ADGRV1: variants seen among roughly 807,000 people sequenced by gnomAD.
ADGRV1 encodes the protein G-protein coupled receptor 98.
A neutral mutation model predicts 596.2 loss-of-function variants in ADGRV1; 359 were observed. The observed-to-expected ratio is 0.60, with a 90% CI of 0.55 to 0.66. The LOEUF (loss-of-function observed/expected upper bound fraction) is 0.66, where lower values mean the gene tolerates loss of function less well. Ranked by LOEUF, ADGRV1 falls within the 30% of genes least tolerant of loss-of-function variation. The probability of loss-of-function intolerance (pLI) is 0.00; values close to 1 mark genes in which losing one functional copy is unlikely to be tolerated. For missense variants in ADGRV1, 7,274 were observed against 7,575.6 expected (o/e 0.96, Z 1.48); for synonymous variants, 2,681 against 2,679.2 (o/e 1.00, Z -0.02).
chr5:90,783,799 A>G (rs753348198), intron 66 of ADGRV1, 39 bp from the exon 67 acceptor site: 31 of 1,440,160 alleles, frequency 2.2e-5, no homozygotes, highest in African/African-American at 4.2e-5. Context: ...GCACTTTAAT[A>G]TGTTTAGACT....
chr5:91,030,567 C>A (rs866871391), intron 85 of ADGRV1, among the ~76,000 whole-genome samples: 24 of 151,048 alleles, frequency 1.6e-4, no homozygotes, highest in African/African-American at 5.1e-4. Flanking sequence ...TTTGAGAGTT[C>A]TTTTTATGTT....
intron 85 of ADGRV1, among the ~76,000 whole-genome samples, chr5:91,011,501 C>T (rs1454193229): frequency 6.6e-6 from 1 of 151,916 alleles, no homozygotes; most frequent in African/African-American, 2.4e-5. Flanking sequence ...GGGAATTTCA[C>T]TCCACATTTT....
chr5:90,927,448 T>G (rs376051996), intron 83 of ADGRV1, among the ~76,000 whole-genome samples: 26 of 152,186 alleles, frequency 1.7e-4, no homozygotes, highest in East Asian at 3.9e-4. Flanking sequence ...CAGAGACTAG[T>G]ATTGCAACCC....
At chr5:90,734,854 G>A (rs1376044200) in intron 50 of ADGRV1, among the ~76,000 whole-genome samples, 1 of 152,106 alleles carries the variant, frequency 6.6e-6, no homozygotes, top group Non-Finnish European at 1.5e-5. Flanking sequence ...CCCTGGGCCC[G>A]GCCTAGCCTA....
intron 1 of ADGRV1, among the ~76,000 whole-genome samples, chr5:90,576,617 G>A (rs191499964): frequency 1.3e-3 from 201 of 152,238 alleles, no homozygotes; most frequent in African/African-American, 4.7e-3. Context: ...ATAATCCTTT[G>A]GGTATATACC....
chr5:90,991,636 A>ACC (rs1780976771), intron 85 of ADGRV1, among the ~76,000 whole-genome samples: 1 of 152,168 alleles, frequency 6.6e-6, no homozygotes, highest in South Asian at 2.1e-4. Context: ...CTTTAGATAC[A>ACC]CTAAACAAAT....
chr5:90,680,924 T>TAA (rs1171603975), intron 26 of ADGRV1, among the ~76,000 whole-genome samples: 2 of 152,218 alleles, frequency 1.3e-5, no homozygotes, highest in East Asian at 3.9e-4. Context: ...TCCGCCAGAA[T>TAA]GGGAAACTAC....
intron 88 of ADGRV1, among the ~76,000 whole-genome samples, chr5:91,151,398 T>G (rs1186831871): frequency 6.6e-6 from 1 of 152,178 alleles, no homozygotes; most frequent in East Asian, 1.9e-4. Context: ...TGAAGGATTT[T>G]GATCAAAGGG....
intron 44 of ADGRV1, 89 bp downstream of exon 44, chr5:90,720,312 A>C: frequency 1.3e-6 from 1 of 780,830 alleles, no homozygotes; most frequent in Non-Finnish European, 1.9e-6. Context: ...GGAAATTGAT[A>C]TCTGATTATT....
chr5:91,133,827 C>T (rs1450892555), intron 87 of ADGRV1, among the ~76,000 whole-genome samples: 1 of 151,952 alleles, frequency 6.6e-6, no homozygotes, highest in Admixed American at 6.6e-5. Context: ...CAGAAGTTGC[C>T]CCATCACACA....
intron 83 of ADGRV1, among the ~76,000 whole-genome samples, chr5:90,927,209 G>T (rs1338777504): frequency 6.6e-6 from 1 of 150,818 alleles, no homozygotes; most frequent in African/African-American, 2.5e-5. Context: ...CTGTCTCGTT[G>T]ATCTGTTTAA....
chr5:90,815,642 A>G lies in ADGRV1; in HGVS notation c.16102A>G (p.Ile5368Val), dbSNP rs1217117090. Residue 5368 changes from isoleucine to valine, a missense_variant, in exon 75 of 90, where the codon ATA (isoleucine) becomes GTA (valine). This residue lies in a region of ADGRV1 where 1,874 missense variants were observed against 1,970.2 expected (regional missense o/e 0.95). Transcript: ENST00000405460. ...ITGSDLHNGI[I>V]GFSEESQSGL... ...AGGGAGTGACCTTCACAATGGCATCATAGGATTCAGTGAGGAGTCCCAGAG... is the reference window on the plus strand; with the variant it reads ...AGGGAGTGACCTTCACAATGGCATCGTAGGATTCAGTGAGGAGTCCCAGAG... The G allele has an allele frequency of 6.4e-7, 1 of 1,571,966 alleles. No homozygotes were observed. Among genetic ancestry groups the G allele is most frequent in the Non-Finnish European group, 8.6e-7 (1 of 1,156,142 alleles).
In ADGRV1 at chr5:90,815,625, A is replaced by C. The variant is rs2150251184; in HGVS notation, c.16085A>C (p.Asp5362Ala). 6.5e-7 allele frequency: 1 copy of C among 1,542,156 alleles called. No individual in the cohort carries two copies. Among genetic ancestry groups the C allele is most frequent in the Middle Eastern group, 1.7e-4 (1 of 5,934 alleles). Residue 5362 changes from aspartate to alanine, a missense_variant, in exon 75 of 90, where the codon GAC becomes GCC. Coordinates refer to ENST00000405460, the MANE Select transcript of ADGRV1 (RefSeq NM_032119.4). ...AFAMVIITGS[D>A]LHNGIIGFSE... ...CCTCCATTCTTTTTTTCAGGGAGTG[A>C]CCTTCACAATGGCATCATAGGATTC... is the stretch of plus-strand genomic sequence containing the variant.
At chr5:90,605,260 G>GAA (rs1176365651) in intron 1 of ADGRV1, among the ~76,000 whole-genome samples, 1 of 151,768 alleles carries the variant, frequency 6.6e-6, no homozygotes, top group South Asian at 2.1e-4. Context: ...AATAAAAATA[G>GAA]AAAAATTAGC....
chr5:91,036,660 C>G (rs1160884695), intron 85 of ADGRV1, among the ~76,000 whole-genome samples: 3 of 151,736 alleles, frequency 2.0e-5, no homozygotes, highest in Non-Finnish European at 2.9e-5. Flanking sequence ...GAGTTGGAGT[C>G]TGAAGTGACC....
At chr5:90,596,636 G>A (rs905928132) in intron 1 of ADGRV1, among the ~76,000 whole-genome samples, 2 of 152,148 alleles carry the variant, frequency 1.3e-5, no homozygotes, top group African/African-American at 4.8e-5. Context: ...AAAAAAATAC[G>A]AAAACCAGTC....
chr5:90,614,851 T>G lies in ADGRV1; in HGVS notation c.39T>G (p.Ser13=). 6.2e-7 allele frequency: 1 copy of G among 1,609,626 alleles called. No individual in the cohort carries two copies. ...VFLGPGMPSA[S]LLVNLLSALL... ...TTGTTTTAGGGATGCCCTCTGCATC[T>G]TTATTAGTAAATCTTCTTTCAGCTT... Residue 13 remains serine (S), a synonymous_variant, in exon 2 of 90, where the codon TCT becomes TCG. Coordinates refer to ENST00000405460, the MANE Select transcript of ADGRV1 (RefSeq NM_032119.4).
chr5:91,128,491 A>G (rs901279365), intron 87 of ADGRV1, among the ~76,000 whole-genome samples: 2 of 152,124 alleles, frequency 1.3e-5, no homozygotes, highest in African/African-American at 4.8e-5. Context: ...AACCCTAACA[A>G]TGCTTGTTCT....
At chr5:91,068,091 G>A (rs182258794) in intron 85 of ADGRV1, among the ~76,000 whole-genome samples, 7 of 152,240 alleles carry the variant, frequency 4.6e-5, no homozygotes, top group Admixed American at 4.6e-4. Context: ...TACAGAGTAT[G>A]TGTAGAAATA....
Sources: gnomAD v4.1 joint callset for allele counts (sites outside exome capture counted in the v4.1 genomes callset) on GRCh38, gnomAD v4.1.1 for gene constraint, gnomAD v4.1.1 regional missense constraint, MANE v1.5 for transcripts, NCBI Gene and HGNC (gene_info 2026-07-23, HGNC 2026-07-21) for gene names.